USP12: variants seen among roughly 807,000 people sequenced by gnomAD.
USP12 encodes the protein ubiquitin specific peptidase 12.
USP12 carries 19 observed loss-of-function variants against 45.5 expected under a neutral mutation model. The ratio of observed to expected loss-of-function variants is 0.42; its 90% CI spans 0.29 to 0.61. The LOEUF (loss-of-function observed/expected upper bound fraction) is 0.61. Among genes scored for constraint, USP12 ranks in the 20% least tolerant of loss-of-function variants. The pLI is 0.22. For missense variants in USP12, 242 were observed against 447.7 expected (o/e 0.54, Z 4.15); for synonymous variants, 149 against 148.8 (o/e 1.00, Z -0.01).
intron 1 of USP12, among the ~76,000 whole-genome samples, chr13:27,146,486 T>C (rs1057276327): frequency 5.3e-5 from 8 of 152,184 alleles, no homozygotes; most frequent in African/African-American, 1.7e-4. Context: ...ATGGAGAGGA[T>C]AGAATCAAGC....
chr13:27,086,505 G>A (rs141102299), intron 6 of USP12, among the ~76,000 whole-genome samples: 10 of 151,494 alleles, frequency 6.6e-5, no homozygotes, highest in African/African-American at 2.2e-4. Flanking sequence ...AGTGATTCTC[G>A]ATTTACATTT....
intron 1 of USP12, among the ~76,000 whole-genome samples, chr13:27,142,733 G>A (rs1877122223): frequency 6.6e-6 from 1 of 152,060 alleles, no homozygotes; most frequent in Admixed American, 6.5e-5. Context: ...TCACCAAAAA[G>A]AATGACTGTA....
Position 27,121,860 on chromosome 13 carries a change from C to CA in USP12, c.49-5265dup, listed in dbSNP as rs540968047. 6.1e-3 allele frequency among the ~76,000 whole-genome samples: 835 copies of CA among 137,516 alleles called. 8 individuals carry two copies. Among genetic ancestry groups the CA allele is most frequent in the African/African-American group, 9.6e-3 (356 of 37,176 alleles). 90.2% of individuals were successfully genotyped at this position (137,516 alleles called of 152,430 possible). A position where few individuals can be genotyped will look rare whatever the true frequency, so the allele number is the denominator to read the frequency against. ...TGGGAGACAGAGCGAGACTCTGTCT[C>CA]AAAAAAAAAAATTAAATACCAGAAT... On this transcript the variant is annotated intron_variant, in intron 1 of 8. Transcript: ENST00000282344.
At chr13:27,145,840 A>C (rs780571214) in intron 1 of USP12, among the ~76,000 whole-genome samples, 1 of 151,652 alleles carries the variant, frequency 6.6e-6, no homozygotes, top group African/African-American at 2.4e-5. Flanking sequence ...AATGGAAGAA[A>C]AGCAAAAAAA....
chr13:27,122,684 T>C (rs1876050609), intron 1 of USP12, among the ~76,000 whole-genome samples: 1 of 151,744 alleles, frequency 6.6e-6, no homozygotes, highest in Non-Finnish European at 1.5e-5. Context: ...AATATTTAAG[T>C]AAAAAAATTT....
Position 27,101,348 on chromosome 13 carries a change from A to G in USP12, c.343+4383T>C, listed in dbSNP as rs78188610. 7.8e-3 allele frequency among the ~76,000 whole-genome samples: 1,187 copies of G among 152,338 alleles called. 14 individuals are homozygous for G. The highest frequency in any genetic ancestry group is 0.027 in the African/African-American group (1,114 of 41,582). On this transcript the variant is annotated intron_variant, in intron 3 of 8. Transcript: ENST00000282344. ...TGAACTGTATTATATTTAATTTTTA[A>G]AACCCTGGTTTTCTTATGGTTTGCT...
intron 1 of USP12, among the ~76,000 whole-genome samples, chr13:27,135,572 G>A (rs749923129): frequency 5.1e-4 from 77 of 152,156 alleles, no homozygotes; most frequent in Non-Finnish European, 5.7e-4. Context: ...AAACTTAGCC[G>A]GGCATGGCAG....
At chr13:27,079,906 A>G (rs1341654993) in intron 6 of USP12, among the ~76,000 whole-genome samples, 1 of 152,184 alleles carries the variant, frequency 6.6e-6, no homozygotes, top group Non-Finnish European at 1.5e-5. Context: ...ACCATCAACA[A>G]GGATTAATTG....
At chr13:27,082,820 C>A (rs1873825598) in intron 6 of USP12, among the ~76,000 whole-genome samples, 1 of 152,244 alleles carries the variant, frequency 6.6e-6, no homozygotes, top group South Asian at 2.1e-4. Context: ...AGTCAGAACG[C>A]ACAACATTTA....
At chr13:27,086,690 A>G (rs1024506169) in intron 6 of USP12, among the ~76,000 whole-genome samples, 7 of 152,054 alleles carry the variant, frequency 4.6e-5, no homozygotes, top group Non-Finnish European at 7.4e-5. Flanking sequence ...TTGCTCACAG[A>G]TGGGCCTTCC....
At chr13:27,105,655 C>T in intron 3 of USP12, 76 bp downstream of exon 3, 1 of 1,364,532 alleles carries the variant, frequency 7.3e-7, no homozygotes, top group Non-Finnish European at 1.0e-6. Context: ...AGATGATGCT[C>T]AGTAAGTGCT....
chr13:27,123,631 A>G (rs762387063), intron 1 of USP12, among the ~76,000 whole-genome samples: 8 of 152,186 alleles, frequency 5.3e-5, no homozygotes, highest in Non-Finnish European at 7.3e-5. Flanking sequence ...TGTGATAGTG[A>G]ATAAGTCTCA....
intron 3 of USP12, among the ~76,000 whole-genome samples, chr13:27,104,518 C>A (rs1443056518): frequency 6.6e-6 from 1 of 152,096 alleles, no homozygotes; most frequent in African/African-American, 2.4e-5. Context: ...TCTAAAAAAA[C>A]AAGATAAACA....
intron 7 of USP12, among the ~76,000 whole-genome samples, chr13:27,073,134 G>A (rs1242726101): frequency 4.6e-5 from 7 of 151,978 alleles, no homozygotes; most frequent in African/African-American, 1.2e-4. Context: ...GCAGAAGAGC[G>A]TCAAGGAAGA....
At chr13:27,082,579 C>T (rs113156610) in intron 6 of USP12, among the ~76,000 whole-genome samples, 4,565 of 152,296 alleles carry the variant, frequency 0.03, 107 homozygotes, top group African/African-American at 0.063. Flanking sequence ...CTGTTTGGTG[C>T]AAGAGGCCTA....
At chr13:27,162,308 C>T (rs976712716) in intron 1 of USP12, among the ~76,000 whole-genome samples, 5 of 152,058 alleles carry the variant, frequency 3.3e-5, no homozygotes, top group African/African-American at 7.2e-5. Flanking sequence ...GATATGCAGC[C>T]GAAAAGTCAG....
chr13:27,166,762 G>C (rs571181115), intron 1 of USP12, among the ~76,000 whole-genome samples: 1 of 152,210 alleles, frequency 6.6e-6, no homozygotes, highest in African/African-American at 2.4e-5. Flanking sequence ...CCTAAGATTA[G>C]AATAAACCAC....
intron 7 of USP12, among the ~76,000 whole-genome samples, chr13:27,074,494 A>T (rs1490698811): frequency 6.6e-6 from 1 of 152,224 alleles, no homozygotes. Flanking sequence ...ACATGCTGTT[A>T]GTACAAGTTT....
intron 1 of USP12, among the ~76,000 whole-genome samples, chr13:27,140,671 A>G (rs1402650352): frequency 1.3e-5 from 2 of 152,224 alleles, no homozygotes; most frequent in Non-Finnish European, 2.9e-5. Flanking sequence ...TTCAAATCCT[A>G]AACAGAGCAG....
Sources: gnomAD v4.1 joint callset for allele counts (sites outside exome capture counted in the v4.1 genomes callset) on GRCh38, gnomAD v4.1.1 for gene constraint, MANE v1.5 for transcripts, NCBI Gene and HGNC (gene_info 2026-07-23, HGNC 2026-07-21) for gene names.